The following IL20RB variants were observed in gnomAD, a reference collection of about 807,000 sequenced individuals.
The protein encoded by IL20RB is interleukin 20 receptor subunit beta, also known as interleukin-20 receptor subunit beta.
In IL20RB, 21 loss-of-function variants were observed where a neutral mutation model predicts 33.3. The ratio of observed to expected loss-of-function variants is 0.63; its 90% CI spans 0.45 to 0.91. IL20RB has a LOEUF of 0.91. Ranked by LOEUF, IL20RB falls within the 40% of genes least tolerant of loss-of-function variation. The probability of loss-of-function intolerance (pLI) is 0.00; values close to 1 mark genes in which losing one functional copy is unlikely to be tolerated. For missense variants in IL20RB, 345 were observed against 384.8 expected, an observed-to-expected ratio of 0.90 and a Z score of 0.86; for synonymous variants, 147 against 146.8, an observed-to-expected ratio of 1.00 and a Z score of -0.01.
intron 3 of IL20RB, among the ~76,000 whole-genome samples, chr3:136,988,661 T>C (rs1343236193): frequency 1.3e-5 from 2 of 151,824 alleles, no homozygotes; most frequent in Non-Finnish European, 2.9e-5. Context: ...GAGGATTACC[T>C]GAGACTGAGA....
intron 4 of IL20RB, 114 bp from the exon 5 acceptor site, chr3:136,991,824 G>A: frequency 1.0e-6 from 1 of 982,942 alleles, no homozygotes; most frequent in Non-Finnish European, 1.5e-6. Context: ...TGGTCAGGCT[G>A]GTCTTGAACT....
chr3:136,977,551 A>T (rs2108192845), intron 1 of IL20RB, among the ~76,000 whole-genome samples: 1 of 151,786 alleles, frequency 6.6e-6, no homozygotes, highest in Admixed American at 6.6e-5. Flanking sequence ...TTTGAGATGG[A>T]GTCTTGCTCT....
At chr3:136,992,710 C>A (rs193158852) in intron 5 of IL20RB, among the ~76,000 whole-genome samples, 1 of 151,828 alleles carries the variant, frequency 6.6e-6, no homozygotes, top group African/African-American at 2.4e-5. Context: ...TTTAAAAAGA[C>A]GAATTATTAT....
intron 1 of IL20RB, among the ~76,000 whole-genome samples, chr3:136,978,961 A>AT (rs1941701482): frequency 6.6e-6 from 1 of 152,186 alleles, no homozygotes; most frequent in African/African-American, 2.4e-5. Flanking sequence ...TAATAAATTG[A>AT]TTTGTTGACA....
At chr3:136,987,562 C>T (rs1289043798) in intron 3 of IL20RB, among the ~76,000 whole-genome samples, 3 of 152,232 alleles carry the variant, frequency 2.0e-5, no homozygotes, top group East Asian at 1.9e-4. Flanking sequence ...GGTGGAGCTG[C>T]GTGCCAGTCC....
At chr3:136,997,160 G>A (rs1032722581) in intron 6 of IL20RB, among the ~76,000 whole-genome samples, 38 of 151,450 alleles carry the variant, frequency 2.5e-4, no homozygotes, top group African/African-American at 9.0e-4. Flanking sequence ...GTGCAGTGGC[G>A]CAATCTTGGC....
chr3:136,991,240 G>C (rs1366378470), intron 4 of IL20RB, among the ~76,000 whole-genome samples: 1 of 152,230 alleles, frequency 6.6e-6, no homozygotes, highest in South Asian at 2.1e-4. Context: ...TACCCTATCA[G>C]AGAAGCCTTC....
chr3:137,006,320 A>G (rs977907231), intron 6 of IL20RB, among the ~76,000 whole-genome samples: 1 of 152,122 alleles, frequency 6.6e-6, no homozygotes, highest in African/African-American at 2.4e-5. Context: ...CTGCCTTGCT[A>G]GGTTGGGGAA....
At position 137,010,256 on chromosome 3, in the gene IL20RB, C is replaced by G. The variant is rs1577038409; in HGVS notation, c.*33C>G. 1.0e-6 allele frequency: 1 copy of G among 999,160 alleles called. No individual in the cohort carries two copies. The highest frequency in any genetic ancestry group is 1.6e-6 in the Non-Finnish European group (1 of 620,706). 61.9% of individuals were successfully genotyped at this position (999,160 alleles called of 1,614,324 possible). ...GAAGGGCCCAGGTGAAGCCGAGAAC[C>G]TGGTCTGCATGACATGGAAACCATG... On this transcript the variant is annotated 3_prime_UTR_variant, in exon 7 of 7. Coordinates refer to ENST00000329582, the MANE Select transcript of IL20RB (RefSeq NM_144717.4).
In IL20RB at chr3:136,958,911, T is replaced by TTC. The variant is rs3077025; in HGVS notation, c.88+730_88+731dup. Among the ~76,000 whole-genome samples the TTC allele has an allele frequency of 7.4e-3, 1,105 of 150,060 alleles. 11 individuals are homozygous for TTC. Among genetic ancestry groups the TTC allele is most frequent in the African/African-American group, 0.019 (772 of 40,934 alleles). ...AGTGTTGATGGGAGCCTTGAGTACT[T>TTC]TCTCTCTCTCTCTCTCTCTCTGTCT... On this transcript the variant is annotated intron_variant, in intron 1 of 6. Transcript: ENST00000329582.
chr3:136,997,057 C>A (rs918012249), intron 6 of IL20RB, among the ~76,000 whole-genome samples: 1 of 151,228 alleles, frequency 6.6e-6, no homozygotes, highest in Non-Finnish European at 1.5e-5. Context: ...AGTAGGATAT[C>A]AAAATGCCAC....
At chr3:136,980,347 GCAA>G (rs745723346) in intron 1 of IL20RB, 116 bp from the exon 2 acceptor site, 1 of 1,123,670 alleles carries the variant, frequency 8.9e-7, no homozygotes, top group Non-Finnish European at 1.3e-6. Context: ...GTGCAGTGGT[GCAA>G]TCTCAGCTTA....
intron 1 of IL20RB, among the ~76,000 whole-genome samples, chr3:136,976,453 C>T (rs565525226): frequency 3.9e-5 from 6 of 152,278 alleles, no homozygotes; most frequent in South Asian, 2.1e-4. Context: ...ACAGCCCTGG[C>T]GGGGCTTACC....
intron 6 of IL20RB, among the ~76,000 whole-genome samples, chr3:136,996,540 T>G (rs1037251862): frequency 6.6e-6 from 1 of 152,116 alleles, no homozygotes; most frequent in African/African-American, 2.4e-5. Context: ...CCTTGTGACA[T>G]CCCTGTGGCC....
At chr3:136,984,813 C>A (rs1436513901) in intron 3 of IL20RB, among the ~76,000 whole-genome samples, 1 of 152,006 alleles carries the variant, frequency 6.6e-6, no homozygotes, top group African/African-American at 2.4e-5. Flanking sequence ...GATCATCTGG[C>A]TGAATTTGGT....
intron 1 of IL20RB, among the ~76,000 whole-genome samples, chr3:136,973,998 T>C (rs1941555114): frequency 6.6e-6 from 1 of 152,156 alleles, no homozygotes; most frequent in Non-Finnish European, 1.5e-5. Flanking sequence ...TCGGAACTTT[T>C]TTTTTATTTA....
intron 5 of IL20RB, among the ~76,000 whole-genome samples, chr3:136,994,822 G>A (rs926737041): frequency 2.0e-5 from 3 of 152,046 alleles, no homozygotes; most frequent in Admixed American, 6.6e-5. Flanking sequence ...ATAAAAGCAG[G>A]GATACTCACA....
chr3:136,986,417 A>G (rs1024659560), intron 3 of IL20RB, among the ~76,000 whole-genome samples: 1 of 152,138 alleles, frequency 6.6e-6, no homozygotes, highest in Non-Finnish European at 1.5e-5. Flanking sequence ...TCTGGTCTCA[A>G]TAAAGATGGA....
At chr3:136,984,351 T>TCC (rs1348797773) in intron 3 of IL20RB, among the ~76,000 whole-genome samples, 1 of 151,954 alleles carries the variant, frequency 6.6e-6, no homozygotes, top group Non-Finnish European at 1.5e-5. Context: ...GAAAGTAACT[T>TCC]CATGGAGTGG....
Sources: gnomAD v4.1 joint callset for allele counts (sites outside exome capture counted in the v4.1 genomes callset) on GRCh38, gnomAD v4.1.1 for gene constraint, MANE v1.5 for transcripts, NCBI Gene and HGNC (gene_info 2026-07-23, HGNC 2026-07-21) for gene names.